GOLGA4: variants seen among roughly 807,000 people sequenced by gnomAD.
GOLGA4 encodes the protein golgin subfamily A member 4.
GOLGA4 carries 169 observed loss-of-function variants against 265.9 expected under a neutral mutation model. The ratio of observed to expected loss-of-function variants is 0.64; its 90% CI spans 0.56 to 0.72. GOLGA4 has a LOEUF of 0.72. GOLGA4 is among the 30% of genes least tolerant of loss of function. GOLGA4 has a pLI of 0.00. For synonymous variants in GOLGA4, 923 were observed against 855.8 expected (o/e 1.08, Z -1.37); for missense variants, 2,482 against 2,483.4 (o/e 1.00, Z 0.01).
Position 37,325,624 on chromosome 3 carries a change from T to A in GOLGA4, c.3738T>A (p.Ile1246=). The A allele has an allele frequency of 6.2e-7, 1 of 1,613,802 alleles. No individual in the cohort carries two copies. Among genetic ancestry groups the A allele is most frequent in the Non-Finnish European group, 8.5e-7 (1 of 1,179,722 alleles). Residue 1246 remains isoleucine, a synonymous_variant, in exon 14 of 24, where the codon ATT becomes ATA. Coordinates refer to ENST00000361924, the MANE Select transcript of GOLGA4 (RefSeq NM_002078.5). ...TTAGTAGTAGTAAAACTAATGCCAT[T>A]CTTTCTAGGATTTCTCATTGTCAGC... is the stretch of plus-strand genomic sequence containing the variant. ...INISSSKTNA[I]LSRISHCQHR...
At chr3:37,322,603 T>C (rs1040585716) in intron 13 of GOLGA4, among the ~76,000 whole-genome samples, 1 of 152,174 alleles carries the variant, frequency 6.6e-6, no homozygotes, top group Non-Finnish European at 1.5e-5. Flanking sequence ...AAATGGACAC[T>C]TAGGAGGCCT....
intron 2 of GOLGA4, among the ~76,000 whole-genome samples, chr3:37,271,189 C>T (rs554432790): frequency 4.9e-4 from 74 of 152,132 alleles, no homozygotes; most frequent in South Asian, 4.1e-3. Flanking sequence ...TGTGTGGCCC[C>T]GTTCCTAACA....
intron 22 of GOLGA4, among the ~76,000 whole-genome samples, chr3:37,360,052 A>G (rs1559477113): frequency 6.6e-6 from 1 of 152,216 alleles, no homozygotes; most frequent in Non-Finnish European, 1.5e-5. Context: ...CTGCTATGCC[A>G]GTATCATCTC....
Position 37,326,408 on chromosome 3 carries a change from A to G in GOLGA4, c.4522A>G (p.Lys1508Glu). 1 of 1,613,302 alleles carries G rather than the reference A, an allele frequency of 6.2e-7. No individual in the cohort carries two copies. Among genetic ancestry groups the G allele is most frequent in the East Asian group, 2.2e-5 (1 of 44,826 alleles). ...LKGEMEDDKS[K>E]MEKKESNLET... ...GGGTGAAATGGAAGACGACAAGAGC[A>G]AGATGGAGAAAAAGGAGTCTAATTT... Residue 1508 changes from lysine to glutamate, a missense_variant, in exon 14 of 24, where the codon AAG becomes GAG. By Grantham distance (56) the Lys-to-Glu change is moderately conservative (BLOSUM62 1). Transcript: ENST00000361924.
chr3:37,321,803 T>G lies in GOLGA4; in HGVS notation c.1618T>G (p.Leu540Val). Reference sequence around the variant, plus strand: ...GCAAGAATCTTTGGCCCTAGAAGAGTTAGAGTTGCAGAAAAAAGCAATCCT... The same window carrying G: ...GCAAGAATCTTTGGCCCTAGAAGAGGTAGAGTTGCAGAAAAAAGCAATCCT... ...EQQESLALEE[L>V]ELQKKAILTE... The change falls in exon 13 of 24, where the codon TTA becomes GTA. Residue 540 changes from leucine (L) to valine (V), a missense_variant. Physicochemically the swap from Leu to Val is conservative, Grantham distance 32. Coordinates refer to ENST00000361924, the MANE Select transcript of GOLGA4 (RefSeq NM_002078.5). 1.2e-6 allele frequency: 2 copies of G among 1,612,494 alleles called. No individual in the cohort carries two copies. The highest frequency in any genetic ancestry group is 1.7e-6 in the Non-Finnish European group (2 of 1,179,100).
chr3:37,347,239 C>T lies in GOLGA4; in HGVS notation c.6519C>T (p.Thr2173=), dbSNP rs750523005. Residue 2173 remains threonine (T), a synonymous_variant, in exon 21 of 24, where the codon ACC becomes ACT. Coordinates refer to ENST00000361924, the MANE Select transcript of GOLGA4 (RefSeq NM_002078.5). ...ATGTCTCACTCTTTGGAGAACCTAC[C>T]GAATTTGAGTATTTGCGAAAAGTGC... is the stretch of plus-strand genomic sequence containing the variant. ...HTDVSLFGEP[T]EFEYLRKVLF... is the part of the protein sequence containing the mutation. 28 of 1,612,516 alleles carry T rather than the reference C, an allele frequency of 1.7e-5. No homozygotes were observed. Among genetic ancestry groups the T allele is most frequent in the African/African-American group, 2.7e-5 (2 of 74,806 alleles).
At chr3:37,283,586 A>C (rs573599725) in intron 3 of GOLGA4, among the ~76,000 whole-genome samples, 2 of 152,168 alleles carry the variant, frequency 1.3e-5, no homozygotes, top group East Asian at 3.9e-4. Flanking sequence ...TGGCTCAAAC[A>C]TGGCTCATTG....
chr3:37,245,342 A>G (rs2096716188), intron 1 of GOLGA4: 1 of 152,546 alleles, frequency 6.6e-6, no homozygotes, highest in Non-Finnish European at 1.5e-5. Flanking sequence ...TAACTTGCCT[A>G]ATGTTACGCA....
intron 1 of GOLGA4, chr3:37,245,316 G>A (rs2096716097): frequency 6.6e-6 from 1 of 152,592 alleles, no homozygotes; most frequent in Non-Finnish European, 1.5e-5. Flanking sequence ...AAGGAGTGAG[G>A]CTCGAAGAGG....
At chr3:37,319,860 A>G (rs1166359738) in intron 12 of GOLGA4, 2 of 152,186 alleles carry the variant, frequency 1.3e-5, no homozygotes, top group African/African-American at 4.8e-5. Flanking sequence ...GCAGTAGGCT[A>G]TGATTAGGGA....
At chr3:37,362,780 C>CCTTTTTTTT (rs1375290747) in intron 23 of GOLGA4, among the ~76,000 whole-genome samples, 1 of 75,464 alleles carries the variant, frequency 1.3e-5, no homozygotes, top group African/African-American at 5.1e-5. Flanking sequence ...AGCCTCTAAG[C>CCTTTTTTTT]TTTTTTTTTT....
At chr3:37,252,945 T>G (rs888553111) in intron 2 of GOLGA4, among the ~76,000 whole-genome samples, 2 of 152,180 alleles carry the variant, frequency 1.3e-5, no homozygotes, top group Admixed American at 6.5e-5. Flanking sequence ...TGTCCTTTGA[T>G]GAACAGAAGT....
In GOLGA4 at chr3:37,325,314, T is replaced by G. The variant is rs1319418123; in HGVS notation, c.3428T>G (p.Leu1143Trp). 4 of 1,613,724 alleles carry G rather than the reference T, an allele frequency of 2.5e-6. No homozygotes were observed. The highest frequency in any genetic ancestry group is 2.5e-6 in the Non-Finnish European group (3 of 1,179,730). ...CATCTTGAAAAGCTAGAGGTTGACTTGAATAAGTCTCTGAAGGAAAATACT... is the reference window on the plus strand; with the variant it reads ...CATCTTGAAAAGCTAGAGGTTGACTGGAATAAGTCTCTGAAGGAAAATACT... ...KAHLEKLEVD[L>W]NKSLKENTFL... Residue 1143 changes from leucine (L) to tryptophan (W), a missense_variant, in exon 14 of 24, where the codon TTG (leucine) becomes TGG (tryptophan). Leu to Trp is a moderately conservative substitution (Grantham distance 61). Coordinates refer to ENST00000361924, the MANE Select transcript of GOLGA4 (RefSeq NM_002078.5).
chr3:37,328,384 G>A, intron 14 of GOLGA4, 32 bp from the exon 15 acceptor site: 1 of 1,601,352 alleles, frequency 6.2e-7, no homozygotes, highest in Non-Finnish European at 8.5e-7. Flanking sequence ...TCTTTGTGTG[G>A]CAGCAGTTAA....
At chr3:37,323,488 A>T in intron 13 of GOLGA4, 100 bp from the exon 14 acceptor site, 1 of 678,366 alleles carries the variant, frequency 1.5e-6, no homozygotes, top group Non-Finnish European at 2.5e-6. Context: ...TTGGTATGAT[A>T]ATTTTGATCT....
chr3:37,274,781 T>G (rs1212106274), intron 2 of GOLGA4, among the ~76,000 whole-genome samples: 1 of 152,182 alleles, frequency 6.6e-6, no homozygotes, highest in African/African-American at 2.4e-5. Flanking sequence ...TCATCCTGGT[T>G]GTTCTTAGTA....
At chr3:37,277,043 G>T (rs1007686607) in intron 2 of GOLGA4, among the ~76,000 whole-genome samples, 1 of 151,938 alleles carries the variant, frequency 6.6e-6, no homozygotes, top group African/African-American at 2.4e-5. Context: ...ATAATTTTAG[G>T]TTTACCAAAT....
chr3:37,269,371 A>G (rs2096792087), intron 2 of GOLGA4, among the ~76,000 whole-genome samples: 1 of 152,202 alleles, frequency 6.6e-6, no homozygotes, highest in Non-Finnish European at 1.5e-5. Context: ...TCACCATGGG[A>G]CACGTTTACC....
chr3:37,324,945 G>T lies in GOLGA4; in HGVS notation c.3059G>T (p.Arg1020Ile). The change falls in exon 14 of 24, where the codon AGA becomes ATA. Residue 1020 changes from arginine to isoleucine, a missense_variant. Arg to Ile is a moderately conservative substitution (Grantham distance 97). Transcript: ENST00000361924. ...NSAGISDAVSRLETNQKEQIE... is the reference protein window; with the variant it reads ...NSAGISDAVSILETNQKEQIE... ...GCTGGAATCAGTGATGCAGTGTCAAGACTGGAAACAAACCAAAAAGAACAA... is the reference window on the plus strand; with the variant it reads ...GCTGGAATCAGTGATGCAGTGTCAATACTGGAAACAAACCAAAAAGAACAA... 6.2e-7 allele frequency: 1 copy of T among 1,613,504 alleles called. No individual in the cohort carries two copies. The highest frequency in any genetic ancestry group is 1.1e-5 in the South Asian group (1 of 90,998).
Sources: gnomAD v4.1 joint callset for allele counts (sites outside exome capture counted in the v4.1 genomes callset) on GRCh38, gnomAD v4.1.1 for gene constraint, MANE v1.5 for transcripts, NCBI Gene and HGNC (gene_info 2026-07-23, HGNC 2026-07-21) for gene names.